Variants in PCDHA10 observed in about 807,000 individuals in gnomAD.
PCDHA10 encodes protocadherin alpha 10, also known as protocadherin alpha-10.
PCDHA10 carries 45 observed loss-of-function variants against 61.2 expected under a neutral mutation model. The ratio of observed to expected loss-of-function variants is 0.74; its 90% CI spans 0.58 to 0.94. PCDHA10 has a LOEUF of 0.94. PCDHA10 is among the 40% of genes least tolerant of loss of function. PCDHA10 has a pLI of 0.00. For synonymous variants in PCDHA10, 602 were observed against 548.8 expected, an observed-to-expected ratio of 1.10 and a Z score of -1.35; for missense variants, 1,278 against 1,236.2, an observed-to-expected ratio of 1.03 and a Z score of -0.51.
At chr5:140,972,500 T>C (rs1554234162) in intron 1 of PCDHA10, among the ~76,000 whole-genome samples, 1 of 152,108 alleles carries the variant, frequency 6.6e-6, no homozygotes, top group Non-Finnish European at 1.5e-5. Flanking sequence ...AATCTGTTGG[T>C]AGATTTTACC....
chr5:140,993,508 ACG>A (rs2097567607), intron 3 of PCDHA10, among the ~76,000 whole-genome samples: 1 of 147,006 alleles, frequency 6.8e-6, no homozygotes, highest in Non-Finnish European at 1.5e-5. Context: ...ACACACACAC[ACG>A]GGGAGAGAGA....
chr5:140,883,946 G>A, intron 1 of PCDHA10: 5 of 1,613,392 alleles, frequency 3.1e-6, no homozygotes, highest in Middle Eastern at 1.7e-4. Context: ...GGACGAGAAC[G>A]ACAACGCTCC....
At chr5:140,869,718 T>C in intron 1 of PCDHA10, 1 of 1,613,408 alleles carries the variant, frequency 6.2e-7, no homozygotes, top group Non-Finnish European at 8.5e-7. Context: ...GAGAGAAAAC[T>C]CCGGAACTTA....
intron 1 of PCDHA10, chr5:140,863,494 C>A (rs1203332871): frequency 2.3e-5 from 10 of 442,506 alleles, no homozygotes; most frequent in African/African-American, 1.6e-4. Context: ...GTCAACATTA[C>A]GGCTTTTAGT....
Position 140,876,990 on chromosome 5 carries a change from C to T in PCDHA10, c.2388+18554C>T, listed in dbSNP as rs374520504. The T allele has an allele frequency of 2.2e-5, 35 of 1,612,500 alleles. No individual in the cohort carries two copies. In the South Asian group the frequency reaches 2.9e-4, roughly 13 times the overall value. On this transcript the variant is annotated intron_variant, in intron 1 of 3. Coordinates refer to ENST00000307360, the MANE Select transcript of PCDHA10 (RefSeq NM_018901.4). ...GGGTGGGCGAGCACGCACTGTCGAG[C>T]TACGTGTCGGTGCACGCGGAGAGCG... is the stretch of plus-strand genomic sequence containing the variant.
intron 1 of PCDHA10, among the ~76,000 whole-genome samples, chr5:140,913,435 C>T (rs2153526525): frequency 6.6e-6 from 1 of 152,202 alleles, no homozygotes; most frequent in South Asian, 2.1e-4. Context: ...GTAATGCCTC[C>T]TTTTTCAGCT....
rs1554150747 is a variant in PCDHA10, at chr5:140,857,851, A to G, written c.1803A>G (p.Gly601=). 5 of 1,597,646 alleles carry G rather than the reference A, an allele frequency of 3.1e-6. 1 individual carries two copies. Among genetic ancestry groups the G allele is most frequent in the Non-Finnish European group, 4.3e-6 (5 of 1,167,500 alleles). ...TGCGCGCAGTGGACGCTGACTCTGG[A>G]TACAACGCGTGGCTGTCGTATGAAT... The part of the protein sequence containing the change: ...AKVRAVDADS[G]YNAWLSYELQ... The change falls in exon 1 of 4, where the codon GGA becomes GGG. Residue 601 remains glycine, a synonymous_variant. Transcript: ENST00000307360.
chr5:140,869,883 T>G, intron 1 of PCDHA10: 1 of 1,610,444 alleles, frequency 6.2e-7, no homozygotes, highest in Admixed American at 1.7e-5. Context: ...AAGAAACTCT[T>G]GTGCTCAAAC....
intron 1 of PCDHA10, chr5:140,870,827 C>T (rs782048793): frequency 8.1e-6 from 13 of 1,613,648 alleles, no homozygotes; most frequent in Non-Finnish European, 9.3e-6. Context: ...GCGGGAGGCG[C>T]AGTTAACAAG....
intron 1 of PCDHA10, among the ~76,000 whole-genome samples, chr5:140,908,919 G>T (rs781892541): frequency 1.3e-5 from 2 of 152,158 alleles, no homozygotes; most frequent in Non-Finnish European, 2.9e-5. Context: ...TGTAGGAGGG[G>T]CCAAATGCAG....
At chr5:140,939,960 T>G (rs1216904868) in intron 1 of PCDHA10, among the ~76,000 whole-genome samples, 2 of 152,258 alleles carry the variant, frequency 1.3e-5, no homozygotes, top group African/African-American at 2.4e-5. Context: ...TATGTTAAAG[T>G]GTTCCACGAT....
At chr5:141,007,149 T>G (rs980574316) in intron 3 of PCDHA10, among the ~76,000 whole-genome samples, 12 of 152,084 alleles carry the variant, frequency 7.9e-5, no homozygotes, top group African/African-American at 2.9e-4. Context: ...CAAAGGAAAC[T>G]GTCAAAGAAC....
chr5:140,869,205 C>G, intron 1 of PCDHA10: 1 of 1,613,994 alleles, frequency 6.2e-7, no homozygotes. Flanking sequence ...TCCACTACTC[C>G]GTCTCGGAGG....
At chr5:140,960,836 AG>A (rs551951864) in intron 1 of PCDHA10, among the ~76,000 whole-genome samples, 345 of 152,342 alleles carry the variant, frequency 2.3e-3, no homozygotes, top group African/African-American at 7.6e-3. Flanking sequence ...AACTTGGAAC[AG>A]GTTTAATGGC....
chr5:140,915,832 A>T (rs1297251550), intron 1 of PCDHA10, among the ~76,000 whole-genome samples: 1 of 152,084 alleles, frequency 6.6e-6, no homozygotes, highest in Non-Finnish European at 1.5e-5. Context: ...GGGCTCTAAG[A>T]TCAGCAGGGG....
chr5:140,903,420 G>A (rs1562939328), intron 1 of PCDHA10, among the ~76,000 whole-genome samples: 1 of 152,150 alleles, frequency 6.6e-6, no homozygotes, highest in Non-Finnish European at 1.5e-5. Flanking sequence ...GAAAAATTCA[G>A]CACAATATGT....
intron 1 of PCDHA10, among the ~76,000 whole-genome samples, chr5:140,956,797 G>T (rs1224324866): frequency 6.6e-6 from 1 of 152,040 alleles, no homozygotes; most frequent in Non-Finnish European, 1.5e-5. Flanking sequence ...TGCTTGGTGG[G>T]CTATTTATTA....
chr5:140,966,428 C>T (rs1297076694), intron 1 of PCDHA10: 6 of 423,554 alleles, frequency 1.4e-5, no homozygotes, highest in Non-Finnish European at 1.2e-5. Flanking sequence ...TTGCTGAGCC[C>T]TCCTACCGCT....
At chr5:141,003,870 C>A (rs1345140541) in intron 3 of PCDHA10, among the ~76,000 whole-genome samples, 8 of 152,148 alleles carry the variant, frequency 5.3e-5, no homozygotes, top group Admixed American at 3.9e-4. Flanking sequence ...GTCTGAAATC[C>A]TCCTTCTAGC....
Sources: gnomAD v4.1 joint callset for allele counts (sites outside exome capture counted in the v4.1 genomes callset) on GRCh38, gnomAD v4.1.1 for gene constraint, MANE v1.5 for transcripts, NCBI Gene and HGNC (gene_info 2026-07-23, HGNC 2026-07-21) for gene names.